The following TMTC2 variants were observed in gnomAD, a reference collection of about 807,000 sequenced individuals.
TMTC2 encodes the protein transmembrane O-mannosyltransferase targeting cadherins 2, also known as protein O-mannosyl-transferase TMTC2.
Under a neutral mutation model 82.4 loss-of-function variants are expected in TMTC2, and 43 were observed. The observed-to-expected ratio is 0.52, with a 90% CI of 0.41 to 0.67. The LOEUF (loss-of-function observed/expected upper bound fraction) is 0.67, where lower values mean the gene tolerates loss of function less well. Among genes scored for constraint, TMTC2 ranks in the 30% least tolerant of loss-of-function variants. The pLI, the probability that TMTC2 is intolerant of heterozygous loss-of-function variation, is 0.00. For synonymous variants in TMTC2, 408 were observed against 381.9 expected, an observed-to-expected ratio of 1.07 and a Z score of -0.80; for missense variants, 919 against 1,012.4, an observed-to-expected ratio of 0.91 and a Z score of 1.25.
At chr12:83,109,216 TG>T (rs965266749) in intron 11 of TMTC2, among the ~76,000 whole-genome samples, 5 of 152,106 alleles carry the variant, frequency 3.3e-5, no homozygotes, top group Non-Finnish European at 5.9e-5. Context: ...GCTCAGCTTC[TG>T]GGGGGGCCTC....
intron 1 of TMTC2, among the ~76,000 whole-genome samples, chr12:82,765,839 A>G (rs1876928402): frequency 6.6e-6 from 1 of 152,240 alleles, no homozygotes; most frequent in Non-Finnish European, 1.5e-5. Flanking sequence ...TGAAGAATCT[A>G]TGTATTAAAA....
intron 3 of TMTC2, among the ~76,000 whole-genome samples, chr12:82,899,743 TA>T (rs1279943188): frequency 7.7e-6 from 1 of 130,190 alleles, no homozygotes. Context: ...ATATGTGGAA[TA>T]TATATATATA....
intron 3 of TMTC2, 48 bp downstream of exon 3, chr12:82,896,694 C>A: frequency 7.0e-7 from 1 of 1,426,074 alleles, no homozygotes; most frequent in Non-Finnish European, 9.5e-7. Flanking sequence ...CACTTTCAGC[C>A]TCTTTATATC....
At chr12:82,800,315 A>C (rs76637417) in intron 1 of TMTC2, among the ~76,000 whole-genome samples, 7,506 of 152,224 alleles carry the variant, frequency 0.049, 252 homozygotes, top group Middle Eastern at 0.14. Flanking sequence ...AAACAGGCCT[A>C]TTCCAGGCCT....
intron 11 of TMTC2, among the ~76,000 whole-genome samples, chr12:83,073,691 T>C (rs924389064): frequency 2.0e-5 from 3 of 152,096 alleles, no homozygotes; most frequent in African/African-American, 7.2e-5. Flanking sequence ...TCCTTTTTCT[T>C]TGTCTTTGAT....
chr12:82,764,528 A>G (rs1876837469), intron 1 of TMTC2, among the ~76,000 whole-genome samples: 1 of 152,162 alleles, frequency 6.6e-6, no homozygotes, highest in Admixed American at 6.5e-5. Context: ...AATCCAACAG[A>G]TATATCAATG....
chr12:82,982,422 T>A (rs951353898), intron 7 of TMTC2, among the ~76,000 whole-genome samples: 1 of 140,738 alleles, frequency 7.1e-6, no homozygotes, highest in Non-Finnish European at 1.5e-5. Context: ...TTTTAACATA[T>A]TTAATTTATC....
At chr12:82,965,207 A>G (rs1878137097) in intron 5 of TMTC2, 98 bp downstream of exon 5, 4 of 866,372 alleles carry the variant, frequency 4.6e-6, no homozygotes, top group Non-Finnish European at 7.4e-6. Context: ...TGGTGCTCTT[A>G]TTTCTGAATA....
intron 11 of TMTC2, among the ~76,000 whole-genome samples, chr12:83,102,098 T>C (rs1388455300): frequency 1.3e-5 from 2 of 152,230 alleles, no homozygotes; most frequent in East Asian, 3.8e-4. Flanking sequence ...GGTAGATTTT[T>C]GTCAGTTTCA....
At chr12:82,876,139 G>GTGGTGGTGGTGGTATTAGTAA (rs1872553144) in intron 2 of TMTC2, among the ~76,000 whole-genome samples, 2 of 144,448 alleles carry the variant, frequency 1.4e-5, no homozygotes, top group African/African-American at 5.1e-5. Context: ...AATGGTGGTG[G>GTGGTGGTGGTGGTATTAGTAA]TGGTGGTGGT....
Position 82,895,972 on chromosome 12 carries a change from C to T in TMTC2, c.809C>T (p.Thr270Ile), listed in dbSNP as rs775894841. ...GATTCGGACAGCCTCCTCACCCGCA[C>T]TCTCACCTTCTTCTACTTGCCAACC... ...AADSDSLLTRTLTFFYLPTKN... is the reference protein window; with the variant it reads ...AADSDSLLTRILTFFYLPTKN... Residue 270 changes from threonine (T) to isoleucine (I), a missense_variant, in exon 3 of 12, where the codon ACT becomes ATT. Physicochemically the swap from Thr to Ile is moderately conservative, Grantham distance 89 (BLOSUM62 -1). Transcript: ENST00000321196. The T allele has an allele frequency of 1.2e-6, 2 of 1,613,806 alleles. No individual in the cohort carries two copies. Among genetic ancestry groups the T allele is most frequent in the Non-Finnish European group, 1.7e-6 (2 of 1,180,010 alleles).
At chr12:82,963,938 T>A (rs1878071196) in intron 4 of TMTC2, among the ~76,000 whole-genome samples, 1 of 149,504 alleles carries the variant, frequency 6.7e-6, no homozygotes, top group African/African-American at 2.4e-5. Flanking sequence ...TAATATATGC[T>A]TTTGACACAA....
chr12:82,983,371 C>A (rs192306346), intron 7 of TMTC2, among the ~76,000 whole-genome samples: 1 of 151,874 alleles, frequency 6.6e-6, no homozygotes, highest in East Asian at 1.9e-4. Flanking sequence ...TATCTCAAAG[C>A]TTTACAAATT....
intron 11 of TMTC2, among the ~76,000 whole-genome samples, chr12:83,093,518 C>T (rs1047792671): frequency 9.9e-5 from 15 of 152,232 alleles, no homozygotes; most frequent in South Asian, 2.1e-4. Context: ...TTATTTCACA[C>T]GTTTTTCTGT....
chr12:82,782,837 T>C (rs1432586314), intron 1 of TMTC2, among the ~76,000 whole-genome samples: 3 of 152,198 alleles, frequency 2.0e-5, no homozygotes, highest in African/African-American at 7.2e-5. Flanking sequence ...GTAGCCTCTT[T>C]ATTCCTAATT....
intron 1 of TMTC2, among the ~76,000 whole-genome samples, chr12:82,714,898 A>G (rs754043727): frequency 6.6e-5 from 10 of 152,168 alleles, no homozygotes; most frequent in South Asian, 2.1e-4. Flanking sequence ...CTTTATTTAC[A>G]TAGGAGCCAA....
chr12:82,819,801 C>T (rs1218570248), intron 1 of TMTC2, among the ~76,000 whole-genome samples: 1 of 152,104 alleles, frequency 6.6e-6, no homozygotes, highest in African/African-American at 2.4e-5. Flanking sequence ...CCACCGTGCC[C>T]AGCCCCTCAT....
At chr12:83,107,300 A>G (rs2137540934) in intron 11 of TMTC2, among the ~76,000 whole-genome samples, 2 of 152,334 alleles carry the variant, frequency 1.3e-5, no homozygotes, top group South Asian at 4.1e-4. Flanking sequence ...CAACCTGGGT[A>G]ATTTATAAAG....
At chr12:82,756,102 A>G (rs902264392) in intron 1 of TMTC2, among the ~76,000 whole-genome samples, 4 of 152,182 alleles carry the variant, frequency 2.6e-5, no homozygotes, top group Admixed American at 2.6e-4. Flanking sequence ...AATTATCTGT[A>G]AAACTATCTA....
Sources: allele counts gnomAD v4.1 joint callset (sites outside exome capture counted in the v4.1 genomes callset), GRCh38; gene constraint gnomAD v4.1.1; transcripts MANE v1.5; gene names NCBI Gene and HGNC (gene_info 2026-07-23, HGNC 2026-07-21).